Variants in ANO6 observed in about 807,000 individuals in gnomAD.
ANO6 encodes the protein anoctamin-6.
A neutral mutation model predicts 117.5 loss-of-function variants in ANO6; 106 were observed. The ratio of observed to expected loss-of-function variants is 0.90; its 90% CI spans 0.77 to 1.06. ANO6 has a LOEUF of 1.06. Ranked by LOEUF, ANO6 falls within the 50% of genes least tolerant of loss-of-function variation. ANO6 has a pLI of 0.00. For missense variants in ANO6, 955 were observed against 1,121.1 expected (o/e 0.85, Z 2.12); for synonymous variants, 367 against 385.1 (o/e 0.95, Z 0.55).
intron 1 of ANO6, among the ~76,000 whole-genome samples, chr12:45,280,216 AT>A (rs1442119853): frequency 6.6e-6 from 1 of 151,964 alleles, no homozygotes; most frequent in Non-Finnish European, 1.5e-5. Context: ...ATCTCTGTAT[AT>A]TTTTTTTCTC....
At chr12:45,251,997 G>A (rs1229637801) in intron 1 of ANO6, among the ~76,000 whole-genome samples, 3 of 152,114 alleles carry the variant, frequency 2.0e-5, no homozygotes, top group African/African-American at 7.2e-5. Flanking sequence ...CTAACACTTC[G>A]TGGCCCCTCA....
At chr12:45,283,095 T>C (rs1473518919) in intron 1 of ANO6, among the ~76,000 whole-genome samples, 1 of 152,244 alleles carries the variant, frequency 6.6e-6, no homozygotes, top group Non-Finnish European at 1.5e-5. Context: ...TTTTGGTGTC[T>C]CTCATAATGT....
At chr12:45,317,743 G>A (rs1940100884) in intron 2 of ANO6, among the ~76,000 whole-genome samples, 1 of 152,120 alleles carries the variant, frequency 6.6e-6, no homozygotes, top group African/African-American at 2.4e-5. Context: ...CACCAACTGT[G>A]TAAAAGTGTT....
At chr12:45,437,747 T>C (rs1943724341) in intron 19 of ANO6, among the ~76,000 whole-genome samples, 1 of 152,114 alleles carries the variant, frequency 6.6e-6, no homozygotes, top group Non-Finnish European at 1.5e-5. Context: ...TTTTTGTATT[T>C]TTAGTAGAGA....
intron 1 of ANO6, among the ~76,000 whole-genome samples, chr12:45,259,696 C>CTGA (rs1937958042): frequency 6.6e-6 from 1 of 152,184 alleles, no homozygotes; most frequent in African/African-American, 2.4e-5. Context: ...TATGCCTTCT[C>CTGA]TGATAGTCAA....
intron 3 of ANO6, among the ~76,000 whole-genome samples, chr12:45,332,104 A>G (rs902880246): frequency 7.2e-5 from 11 of 152,046 alleles, no homozygotes; most frequent in African/African-American, 2.7e-4. Flanking sequence ...ATCTCAGGAT[A>G]TTAAAACAGT....
At chr12:45,379,532 C>T (rs1236670989) in intron 10 of ANO6, among the ~76,000 whole-genome samples, 1 of 152,204 alleles carries the variant, frequency 6.6e-6, no homozygotes, top group East Asian at 1.9e-4. Flanking sequence ...CCGCCCTCCC[C>T]TTCCGCCCAG....
chr12:45,371,196 G>C (rs1296782058), intron 9 of ANO6, among the ~76,000 whole-genome samples: 1 of 152,242 alleles, frequency 6.6e-6, no homozygotes, highest in African/African-American at 2.4e-5. Context: ...CCCGCACCTG[G>C]CTCGGAGGGT....
At chr12:45,219,664 G>A (rs1467573220) in intron 1 of ANO6, among the ~76,000 whole-genome samples, 2 of 152,078 alleles carry the variant, frequency 1.3e-5, no homozygotes, top group African/African-American at 4.8e-5. Context: ...TTATGTCAGT[G>A]TTGCCTCCTA....
intron 16 of ANO6, among the ~76,000 whole-genome samples, chr12:45,412,893 A>G (rs916406412): frequency 6.6e-6 from 1 of 152,200 alleles, no homozygotes; most frequent in Non-Finnish European, 1.5e-5. Context: ...TGAAGGGTGA[A>G]TGGAAGTTAG....
At chr12:45,308,107 C>T (rs780906668) in intron 2 of ANO6, among the ~76,000 whole-genome samples, 1 of 109,202 alleles carries the variant, frequency 9.2e-6, no homozygotes, top group Admixed American at 1.4e-4. Flanking sequence ...GGGTAGTACC[C>T]GGAAGGGTGA....
chr12:45,270,341 T>G (rs1219027492), intron 1 of ANO6: 2 of 1,295,906 alleles, frequency 1.5e-6, no homozygotes, highest in Admixed American at 7.3e-5. Flanking sequence ...AAATGGCTTG[T>G]ACGAGGTCAG....
intron 1 of ANO6, among the ~76,000 whole-genome samples, chr12:45,251,483 G>T (rs1337406457): frequency 6.6e-6 from 1 of 152,204 alleles, no homozygotes; most frequent in Non-Finnish European, 1.5e-5. Context: ...CCTTGGTGAG[G>T]ATTTGGAAGG....
chr12:45,366,572 G>T (rs574444742), intron 8 of ANO6, among the ~76,000 whole-genome samples: 18 of 152,078 alleles, frequency 1.2e-4, no homozygotes, highest in African/African-American at 4.3e-4. Context: ...TGTTTCTGAC[G>T]TCTTTATTTT....
chr12:45,429,368 G>T lies in ANO6; in HGVS notation c.*57G>T, dbSNP rs144398065. 4.2e-4 allele frequency: 669 copies of T among 1,584,056 alleles called. 2 individuals carry two copies. In the African/African-American group the frequency reaches 8.3e-3, roughly 20 times the overall value. ...ATTTAGCTTTGTCAAAATATATTAG[G>T]AATCACTAATGAGAATGTGTAAGTT... On this transcript the variant is annotated 3_prime_UTR_variant, in exon 20 of 20. Coordinates refer to ENST00000320560, the MANE Select transcript of ANO6 (RefSeq NM_001025356.3).
intron 19 of ANO6, 126 bp from the exon 20 acceptor site, chr12:45,428,979 G>T (rs1423910791): frequency 7.0e-6 from 8 of 1,149,584 alleles, no homozygotes; most frequent in Admixed American, 2.0e-5. Flanking sequence ...TTAGCGGTTG[G>T]TTGTGTGTGT....
At chr12:45,409,778 C>T (rs965813268) in intron 16 of ANO6, among the ~76,000 whole-genome samples, 1 of 152,036 alleles carries the variant, frequency 6.6e-6, no homozygotes, top group African/African-American at 2.4e-5. Context: ...TTTTTTGAGA[C>T]AGAGTCTCAC....
chr12:45,414,746 TAGTA>T (rs1394908224), intron 16 of ANO6, among the ~76,000 whole-genome samples: 1 of 152,202 alleles, frequency 6.6e-6, no homozygotes, highest in Non-Finnish European at 1.5e-5. Context: ...TGAAGAACTT[TAGTA>T]TCACTTTTCA....
At chr12:45,375,113 A>G (rs1414422311) in intron 9 of ANO6, among the ~76,000 whole-genome samples, 2 of 152,202 alleles carry the variant, frequency 1.3e-5, no homozygotes, top group African/African-American at 4.8e-5. Flanking sequence ...AATTGCTTCA[A>G]AGAGAATAAA....
Sources: allele counts gnomAD v4.1 joint callset (sites outside exome capture counted in the v4.1 genomes callset), GRCh38; gene constraint gnomAD v4.1.1; transcripts MANE v1.5; gene names NCBI Gene and HGNC (gene_info 2026-07-23, HGNC 2026-07-21).